Variants in CNTN4 observed in about 807,000 individuals in gnomAD.
CNTN4 encodes contactin 4, also known as contactin-4.
In CNTN4, 77 loss-of-function variants were observed where a neutral mutation model predicts 122.5. The ratio of observed to expected loss-of-function variants is 0.63; its 90% CI spans 0.52 to 0.76. The LOEUF is 0.76. CNTN4 is among the 30% of genes least tolerant of loss of function. The pLI is 0.00. For synonymous variants in CNTN4, 512 were observed against 447.0 expected (o/e 1.15, Z -1.83); for missense variants, 1,256 against 1,259.1 (o/e 1.00, Z 0.04).
chr3:2,110,195 G>C (rs189423027), intron 2 of CNTN4, among the ~76,000 whole-genome samples: 87 of 152,284 alleles, frequency 5.7e-4, no homozygotes, highest in African/African-American at 2.1e-3. Flanking sequence ...TCCTTGTTTT[G>C]TCTCTTACTA....
At chr3:2,550,706 T>A (rs995732370) in intron 3 of CNTN4, among the ~76,000 whole-genome samples, 9 of 152,122 alleles carry the variant, frequency 5.9e-5, no homozygotes, top group Non-Finnish European at 1.0e-4. Flanking sequence ...AACCCAAATG[T>A]CTATCATTGA....
chr3:2,751,147 CAA>C (rs10707841), intron 6 of CNTN4, among the ~76,000 whole-genome samples: 12 of 149,198 alleles, frequency 8.0e-5, no homozygotes, highest in Middle Eastern at 7.0e-3. Context: ...TAAAAAAATA[CAA>C]AAAAAAAAAT....
chr3:2,531,028 T>TA (rs1367209558), intron 3 of CNTN4, among the ~76,000 whole-genome samples: 2 of 152,202 alleles, frequency 1.3e-5, no homozygotes, highest in East Asian at 1.9e-4. Context: ...GGAAGTATAC[T>TA]ATCTCTACTA....
At chr3:2,617,219 A>G (rs1266908628) in intron 4 of CNTN4, among the ~76,000 whole-genome samples, 1 of 152,160 alleles carries the variant, frequency 6.6e-6, no homozygotes, top group African/African-American at 2.4e-5. Flanking sequence ...ACAGAACGGG[A>G]GAAAATTTTT....
chr3:2,786,588 C>A (rs1194496279), intron 6 of CNTN4, among the ~76,000 whole-genome samples: 1 of 152,216 alleles, frequency 6.6e-6, no homozygotes, highest in African/African-American at 2.4e-5. Flanking sequence ...AAATGATTCT[C>A]ACCCCTCACC....
At chr3:2,757,116 A>T (rs2090373477) in intron 6 of CNTN4, among the ~76,000 whole-genome samples, 2 of 152,220 alleles carry the variant, frequency 1.3e-5, no homozygotes, top group African/African-American at 2.4e-5. Flanking sequence ...ATGTAGGATT[A>T]TCTGTGCAAG....
At chr3:2,298,874 G>C (rs1216237675) in intron 2 of CNTN4, among the ~76,000 whole-genome samples, 1 of 152,112 alleles carries the variant, frequency 6.6e-6, no homozygotes, top group Admixed American at 6.5e-5. Context: ...TATGGGAGAA[G>C]GCTTTGTAAC....
At chr3:2,739,431 A>T (rs2089327477) in intron 5 of CNTN4, among the ~76,000 whole-genome samples, 1 of 152,244 alleles carries the variant, frequency 6.6e-6, no homozygotes, top group Admixed American at 6.5e-5. Context: ...GTACAAGGTA[A>T]CCTCATACAG....
chr3:2,138,150 TCCACTTC>T (rs1341824022), intron 2 of CNTN4, among the ~76,000 whole-genome samples: 2 of 148,680 alleles, frequency 1.3e-5, no homozygotes, highest in Non-Finnish European at 3.0e-5. Flanking sequence ...CACTGCAACC[TCCACTTC>T]CCGGGTTCAA....
chr3:2,730,177 T>A (rs191107420), intron 4 of CNTN4, among the ~76,000 whole-genome samples: 6 of 152,250 alleles, frequency 3.9e-5, no homozygotes, highest in African/African-American at 1.4e-4. Flanking sequence ...TAATGAGATA[T>A]CCTCAGGATG....
At chr3:2,789,925 G>A (rs1350346900) in intron 6 of CNTN4, among the ~76,000 whole-genome samples, 1 of 152,172 alleles carries the variant, frequency 6.6e-6, no homozygotes, top group Admixed American at 6.5e-5. Flanking sequence ...TGCTTATGGT[G>A]TTTAGCCATT....
At chr3:2,926,480 C>T (rs1002886239) in intron 13 of CNTN4, among the ~76,000 whole-genome samples, 1 of 152,116 alleles carries the variant, frequency 6.6e-6, no homozygotes, top group Non-Finnish European at 1.5e-5. Flanking sequence ...TTGGCTGTCA[C>T]CCCTGTAAAA....
intron 4 of CNTN4, among the ~76,000 whole-genome samples, chr3:2,621,955 C>G (rs1180265455): frequency 6.6e-6 from 1 of 152,108 alleles, no homozygotes; most frequent in Non-Finnish European, 1.5e-5. Flanking sequence ...TTCTTGATAT[C>G]CAGACTCGGT....
At chr3:2,511,970 G>A (rs913999939) in intron 3 of CNTN4, among the ~76,000 whole-genome samples, 2 of 152,102 alleles carry the variant, frequency 1.3e-5, no homozygotes, top group African/African-American at 4.8e-5. Flanking sequence ...TTTGGTGCCA[G>A]GATGATTAGA....
intron 3 of CNTN4, among the ~76,000 whole-genome samples, chr3:2,357,066 A>G (rs769537008): frequency 5.3e-5 from 8 of 152,214 alleles, no homozygotes; most frequent in Non-Finnish European, 1.0e-4. Context: ...AAAAGCGCTT[A>G]CAGACCACTT....
In CNTN4 at chr3:2,735,745, G is replaced by A. The variant is rs114924324; in HGVS notation, c.56-470G>A. 574 of 337,208 alleles carry A rather than the reference G, an allele frequency of 1.7e-3. 6 individuals are homozygous for A. The highest frequency in any genetic ancestry group is 0.011 in the African/African-American group (535 of 46,628). The allele number at this position is 337,208 out of a possible 1,614,324, so 20.9% of individuals were successfully genotyped here. On this transcript the variant is annotated intron_variant, in intron 4 of 24. Transcript: ENST00000418658. ...AAGTGTTGTGTATATTAGCAATACGGAGCTGTTACTCATTATTGACTTATT... is the reference window on the plus strand; with the variant it reads ...AAGTGTTGTGTATATTAGCAATACGAAGCTGTTACTCATTATTGACTTATT...
intron 7 of CNTN4, among the ~76,000 whole-genome samples, chr3:2,851,077 A>G (rs2093542015): frequency 6.6e-6 from 1 of 152,222 alleles, no homozygotes; most frequent in African/African-American, 2.4e-5. Context: ...GTATTTGTTA[A>G]GTTAACAACA....
intron 3 of CNTN4, among the ~76,000 whole-genome samples, chr3:2,480,896 A>T (rs906226275): frequency 1.3e-5 from 2 of 152,236 alleles, no homozygotes; most frequent in Non-Finnish European, 2.9e-5. Flanking sequence ...TTGAAAGAAC[A>T]GACAAATAGA....
At chr3:2,508,383 G>A (rs1048777973) in intron 3 of CNTN4, among the ~76,000 whole-genome samples, 1 of 152,202 alleles carries the variant, frequency 6.6e-6, no homozygotes, top group African/African-American at 2.4e-5. Context: ...TCAAGAAGAA[G>A]CAATGAGCAG....
Sources: allele counts gnomAD v4.1 joint callset (sites outside exome capture counted in the v4.1 genomes callset), GRCh38; gene constraint gnomAD v4.1.1; transcripts MANE v1.5; gene names NCBI Gene and HGNC (gene_info 2026-07-23, HGNC 2026-07-21).